ME1: variants seen among roughly 807,000 people sequenced by gnomAD.
The protein encoded by ME1 is NADP-dependent malic enzyme.
In ME1, 74 loss-of-function variants were observed where a neutral mutation model predicts 66.4. The ratio of observed to expected loss-of-function variants is 1.11; its 90% CI spans 0.92 to 1.35. The LOEUF (loss-of-function observed/expected upper bound fraction) is 1.35. Among genes scored for constraint, ME1 ranks in the 40% most tolerant of loss-of-function variants. The pLI, the probability that ME1 is intolerant of heterozygous loss-of-function variation, is 0.00. For synonymous variants in ME1, 251 were observed against 235.6 expected (o/e 1.07, Z -0.60); for missense variants, 750 against 694.1 (o/e 1.08, Z -0.90).
At position 83,407,895 on chromosome 6, in the gene ME1, C is replaced by A. The variant is rs755311554; in HGVS notation, c.85G>T (p.Ala29Ser). The A allele has an allele frequency of 1.9e-6, 3 of 1,606,504 alleles. No individual in the cohort carries two copies. In the East Asian group the frequency reaches 6.7e-5, roughly 36 times the overall value. Residue 29 changes from alanine (A) to serine (S), a missense_variant, in exon 2 of 14, where the codon GCC becomes TCC. Physicochemically the swap from Ala to Ser is moderately conservative, Grantham distance 99. Transcript: ENST00000369705. ...TRNPHLNKDL[A>S]FTLEERQQLN... is the part of the protein sequence containing the mutation. ...TGCTGTCTCTCTTCCAGGGTAAAGG[C>A]CAAGTCCTATAGAGAAAAAACACAC... is the stretch of plus-strand genomic sequence containing the variant.
At chr6:83,273,039 T>C (rs370761005) in intron 6 of ME1, among the ~76,000 whole-genome samples, 1 of 152,074 alleles carries the variant, frequency 6.6e-6, no homozygotes, top group East Asian at 1.9e-4. Context: ...TAGCCGGGCA[T>C]GGTGGTGGGC....
chr6:83,313,027 GA>G (rs1266712006), intron 6 of ME1, among the ~76,000 whole-genome samples: 19 of 152,294 alleles, frequency 1.2e-4, no homozygotes, highest in African/African-American at 4.6e-4. Flanking sequence ...AAAGTGCTGG[GA>G]TTAAAGGTGT....
intron 5 of ME1, among the ~76,000 whole-genome samples, chr6:83,341,795 C>G (rs2128543186): frequency 6.6e-6 from 1 of 152,172 alleles, no homozygotes; most frequent in East Asian, 1.9e-4. Flanking sequence ...ACAAAATGAC[C>G]AGAGGCTACT....
At chr6:83,253,794 A>C (rs1790762005) in intron 6 of ME1, 56 bp from the exon 7 acceptor site, 1 of 882,908 alleles carries the variant, frequency 1.1e-6, no homozygotes, top group Non-Finnish European at 1.8e-6. Context: ...ATTTAAAAAT[A>C]AACTTTTAAA....
chr6:83,314,674 T>C (rs554080543), intron 6 of ME1, among the ~76,000 whole-genome samples: 6 of 150,140 alleles, frequency 4.0e-5, no homozygotes, highest in South Asian at 2.1e-4. Context: ...TCATTATATA[T>C]ATATGCAAAT....
chr6:83,341,825 T>C (rs1768591134), intron 5 of ME1, among the ~76,000 whole-genome samples: 1 of 152,120 alleles, frequency 6.6e-6, no homozygotes, highest in African/African-American at 2.4e-5. Flanking sequence ...AACCCCTACC[T>C]TTTCTGCTGG....
In ME1 at chr6:83,296,753, T is replaced by G. The variant is rs140083687; in HGVS notation, c.704+18557A>C. On this transcript the variant is annotated intron_variant, in intron 6 of 13. Coordinates refer to ENST00000369705, the MANE Select transcript of ME1 (RefSeq NM_002395.6). ...TCCCTGTTTGCAGATGACATGATTC[T>G]ACATGTAGTAAACACCATTTTCTCA... Among the ~76,000 whole-genome samples, 27 of 152,340 alleles carry G rather than the reference T, an allele frequency of 1.8e-4. 1 individual carries two copies. The East Asian group carries it at 5.2e-3, about 29-fold the overall frequency.
chr6:83,290,858 C>T (rs1767488743), intron 6 of ME1, among the ~76,000 whole-genome samples: 1 of 152,142 alleles, frequency 6.6e-6, no homozygotes, highest in Admixed American at 6.5e-5. Context: ...TTGAATTGAT[C>T]CCTTTACCAT....
At chr6:83,277,172 C>T (rs954184002) in intron 6 of ME1, among the ~76,000 whole-genome samples, 4 of 152,162 alleles carry the variant, frequency 2.6e-5, no homozygotes, top group African/African-American at 9.7e-5. Context: ...ATTTTGTGAA[C>T]CAAACAAAAC....
chr6:83,360,048 T>C (rs1286526293), intron 3 of ME1, among the ~76,000 whole-genome samples: 4 of 152,192 alleles, frequency 2.6e-5, no homozygotes, highest in Admixed American at 6.5e-5. Flanking sequence ...CTACTTAATC[T>C]ACACAATCTG....
At chr6:83,394,625 C>T (rs751706070) in intron 3 of ME1, among the ~76,000 whole-genome samples, 4 of 152,076 alleles carry the variant, frequency 2.6e-5, no homozygotes, top group African/African-American at 7.2e-5. Flanking sequence ...TATTGCTTTC[C>T]GATAATACCT....
chr6:83,363,377 A>T (rs1013015219), intron 3 of ME1, among the ~76,000 whole-genome samples: 1 of 152,210 alleles, frequency 6.6e-6, no homozygotes, highest in African/African-American at 2.4e-5. Context: ...GACCTGGACG[A>T]TCAAGATGAA....
chr6:83,423,635 C>CA (rs1770313837), intron 1 of ME1, among the ~76,000 whole-genome samples: 2 of 151,662 alleles, frequency 1.3e-5, no homozygotes, highest in Non-Finnish European at 2.9e-5. Context: ...TGTGTTTCTA[C>CA]AAAAAATATG....
chr6:83,401,779 A>G (rs1769845792), intron 2 of ME1, among the ~76,000 whole-genome samples: 1 of 152,108 alleles, frequency 6.6e-6, no homozygotes, highest in African/African-American at 2.4e-5. Context: ...GCCACTTCTG[A>G]GTGTTCAATC....
At chr6:83,401,748 A>C (rs1404618428) in intron 2 of ME1, among the ~76,000 whole-genome samples, 1 of 152,186 alleles carries the variant, frequency 6.6e-6, no homozygotes, top group Non-Finnish European at 1.5e-5. Flanking sequence ...TTCACTCACC[A>C]AGGCCAACCT....
rs1004054941 is a variant in ME1 at position 83,431,002 on chromosome 6, G to A, written c.-48C>T. 2.4e-6 allele frequency: 3 copies of A among 1,254,428 alleles called. No homozygotes were observed. The highest frequency in any genetic ancestry group is 1.6e-5 in the African/African-American group (1 of 62,708). 77.7% of individuals were successfully genotyped at this position (1,254,428 alleles called of 1,614,324 possible). The stretch of plus-strand genomic sequence containing the variant: ...GGGGTCAGGCCGGGGCGGGCCGCAC[G>A]CGCGGTGCAGGCGGCGGATGCTGCT... On this transcript the variant is annotated 5_prime_UTR_variant, in exon 1 of 14. Coordinates refer to ENST00000369705, the MANE Select transcript of ME1 (RefSeq NM_002395.6).
chr6:83,407,851 C>T lies in ME1; in HGVS notation c.129G>A (p.Leu43=), dbSNP rs1446401337. Residue 43 remains leucine (L), a synonymous_variant, in exon 2 of 14, where the codon TTG becomes TTA. Transcript: ENST00000369705. ...EERQQLNIHG[L]LPPSFNSQEI... is the part of the protein sequence containing the mutation. ...CCTGACTGTTGAAGGAAGGTGGCAA[C>T]AATCCATGAATGTTCAATTGCTGTC... The T allele has an allele frequency of 6.2e-7, 1 of 1,613,414 alleles. No individual in the cohort carries two copies. The highest frequency in any genetic ancestry group is 8.5e-7 in the Non-Finnish European group (1 of 1,179,866).
intron 5 of ME1, among the ~76,000 whole-genome samples, chr6:83,321,817 C>T (rs1052574242): frequency 2.6e-5 from 4 of 152,242 alleles, no homozygotes; most frequent in African/African-American, 9.6e-5. Flanking sequence ...AACAGACTGC[C>T]TCCTCAAGTG....
intron 7 of ME1, among the ~76,000 whole-genome samples, chr6:83,251,814 A>G (rs1271212799): frequency 6.6e-6 from 1 of 152,316 alleles, no homozygotes; most frequent in Admixed American, 6.5e-5. Flanking sequence ...CAGGATTTTC[A>G]TCTTTATCCT....
Sources: gnomAD v4.1 joint callset for allele counts (sites outside exome capture counted in the v4.1 genomes callset) on GRCh38, gnomAD v4.1.1 for gene constraint, MANE v1.5 for transcripts, NCBI Gene and HGNC (gene_info 2026-07-23, HGNC 2026-07-21) for gene names.